MLLT10: variants seen among roughly 807,000 people sequenced by gnomAD.
MLLT10 encodes the protein protein AF-10.
A neutral mutation model predicts 129.1 loss-of-function variants in MLLT10; 30 were observed. That is an observed-to-expected ratio of 0.23 (90% CI 0.17 to 0.32). MLLT10 has a LOEUF of 0.32. MLLT10 is among the 10% of genes least tolerant of loss of function. The probability of loss-of-function intolerance (pLI) is 1.00; values close to 1 mark genes in which losing one functional copy is unlikely to be tolerated. For synonymous variants in MLLT10, 490 were observed against 446.4 expected (o/e 1.10, Z -1.23); for missense variants, 1,119 against 1,268.3 (o/e 0.88, Z 1.79).
chr10:21,680,500 C>T (rs2052627360), intron 11 of MLLT10, among the ~76,000 whole-genome samples: 1 of 152,012 alleles, frequency 6.6e-6, no homozygotes, highest in Admixed American at 6.6e-5. Context: ...CACACCCAGC[C>T]ATCTTTCTCA....
chr10:21,569,461 C>T (rs1352226583), intron 3 of MLLT10, among the ~76,000 whole-genome samples: 1 of 151,492 alleles, frequency 6.6e-6, no homozygotes, highest in Non-Finnish European at 1.5e-5. Flanking sequence ...CTCGCTCTCG[C>T]CCAGGCTGGA....
chr10:21,681,404 C>A (rs778535366), intron 12 of MLLT10, 28 bp downstream of exon 12: 1 of 1,547,780 alleles, frequency 6.5e-7, no homozygotes, highest in Admixed American at 1.7e-5. Context: ...GTTGATAACC[C>A]GGGCCTTTTG....
chr10:21,659,305 C>G (rs2049929738), intron 9 of MLLT10, among the ~76,000 whole-genome samples: 1 of 152,120 alleles, frequency 6.6e-6, no homozygotes, highest in Non-Finnish European at 1.5e-5. Context: ...CTAAAATAAA[C>G]TGGCTTCTTA....
intron 8 of MLLT10, among the ~76,000 whole-genome samples, chr10:21,648,927 GA>G (rs1478275938): frequency 6.6e-6 from 1 of 151,996 alleles, no homozygotes; most frequent in Non-Finnish European, 1.5e-5. Flanking sequence ...AACAGCACAG[GA>G]AAAACCCACC....
Position 21,614,942 on chromosome 10 carries a change from A to G in MLLT10, c.603+18A>G, listed in dbSNP as rs545745894. The G allele has an allele frequency of 6.4e-7, 1 of 1,554,592 alleles. No homozygotes were observed. The highest frequency in any genetic ancestry group is 8.8e-7 in the Non-Finnish European group (1 of 1,135,596). ...GTAAGCTGGTAAGAATTTCTCTTGGATTTAATGAAATGATTATGATTAGTT... is the reference window on the plus strand; with the variant it reads ...GTAAGCTGGTAAGAATTTCTCTTGGGTTTAATGAAATGATTATGATTAGTT... On this transcript the variant is annotated intron_variant, in intron 7 of 22. Coordinates refer to ENST00000307729, the MANE Select transcript of MLLT10 (RefSeq NM_001195626.3).
chr10:21,739,824 GT>G (rs2058683460), intron 21 of MLLT10, among the ~76,000 whole-genome samples: 1 of 152,114 alleles, frequency 6.6e-6, no homozygotes, highest in Non-Finnish European at 1.5e-5. Context: ...TGTGTGTCCT[GT>G]TTTGAAAATA....
chr10:21,582,998 A>G (rs187645705), intron 3 of MLLT10, among the ~76,000 whole-genome samples: 4 of 152,160 alleles, frequency 2.6e-5, no homozygotes, highest in Non-Finnish European at 4.4e-5. Flanking sequence ...ACGAAACCCT[A>G]TTTCTACTAA....
At chr10:21,545,060 G>T (rs1025151805) in intron 3 of MLLT10, among the ~76,000 whole-genome samples, 1 of 152,146 alleles carries the variant, frequency 6.6e-6, no homozygotes, top group Non-Finnish European at 1.5e-5. Context: ...CAGGAGAATT[G>T]CTTGAACCTG....
chr10:21,587,174 A>G (rs1793164388), intron 4 of MLLT10, among the ~76,000 whole-genome samples: 1 of 151,944 alleles, frequency 6.6e-6, no homozygotes, highest in African/African-American at 2.4e-5. Flanking sequence ...CCAAGGTAGG[A>G]GGCTCACTGG....
intron 13 of MLLT10, 79 bp downstream of exon 13, chr10:21,682,336 A>C (rs1208276696): frequency 7.5e-7 from 1 of 1,329,656 alleles, no homozygotes; most frequent in African/African-American, 1.5e-5. Context: ...ATTGAAAGCT[A>C]GCATGTTCTA....
chr10:21,533,934 C>T (rs992108402), upstream of MLLT10, among the ~76,000 whole-genome samples: 4 of 152,118 alleles, frequency 2.6e-5, no homozygotes, highest in African/African-American at 4.8e-5. Flanking sequence ...TCCACCTCCC[C>T]CGCCACCTCC....
At chr10:21,654,453 G>GT (rs1411278571) in intron 9 of MLLT10, among the ~76,000 whole-genome samples, 1 of 152,086 alleles carries the variant, frequency 6.6e-6, no homozygotes, top group African/African-American at 2.4e-5. Context: ...AAATCCAGAC[G>GT]TTTTTTGGTA....
At position 21,733,857 on chromosome 10, in the gene MLLT10, A is replaced by G. The variant is rs746548558; in HGVS notation, c.2586A>G (p.Ser862=). Reference sequence around the variant, plus strand: ...GGCAGAGTCCGGCTCAACAAGGCTCAGGAGTGAGTGGAGTTCAGCAGGTCA... The same window carrying G: ...GGCAGAGTCCGGCTCAACAAGGCTCGGGAGTGAGTGGAGTTCAGCAGGTCA... The part of the protein sequence containing the change: ...PAGQSPAQQG[S]GVSGVQQVNG... Residue 862 remains serine (S), a synonymous_variant, in exon 20 of 23, where the codon TCA becomes TCG. Coordinates refer to ENST00000307729, the MANE Select transcript of MLLT10 (RefSeq NM_001195626.3). 7 of 1,614,086 alleles carry G rather than the reference A, an allele frequency of 4.3e-6. No individual in the cohort carries two copies. Among genetic ancestry groups the G allele is most frequent in the African/African-American group, 1.3e-5 (1 of 74,924 alleles).
chr10:21,736,219 C>G (rs895500779), intron 21 of MLLT10, among the ~76,000 whole-genome samples: 3 of 151,988 alleles, frequency 2.0e-5, no homozygotes, highest in Non-Finnish European at 4.4e-5. Flanking sequence ...AGGGAGTGAT[C>G]CAGGCAGGAG....
At chr10:21,562,341 A>G (rs1474814220) in intron 3 of MLLT10, among the ~76,000 whole-genome samples, 1 of 147,106 alleles carries the variant, frequency 6.8e-6, no homozygotes, top group Non-Finnish European at 1.5e-5. Context: ...TTATTTATTT[A>G]TTTATTTTTT....
At chr10:21,723,865 A>C (rs996522008) in intron 14 of MLLT10, among the ~76,000 whole-genome samples, 1 of 152,230 alleles carries the variant, frequency 6.6e-6, no homozygotes, top group Non-Finnish European at 1.5e-5. Flanking sequence ...TTAGGATCTG[A>C]GACGTCAACA....
intron 9 of MLLT10, among the ~76,000 whole-genome samples, chr10:21,664,441 G>A (rs954081736): frequency 6.6e-6 from 1 of 151,610 alleles, no homozygotes; most frequent in Non-Finnish European, 1.5e-5. Flanking sequence ...AGCCTCCCAA[G>A]TAGCTGGGAC....
chr10:21,727,922 C>G lies in MLLT10; in HGVS notation c.2057C>G (p.Ser686Trp), dbSNP rs530253372. Residue 686 changes from serine (S) to tryptophan (W), a missense_variant, in exon 16 of 23, where the codon TCG becomes TGG. Coordinates refer to ENST00000307729, the MANE Select transcript of MLLT10 (RefSeq NM_001195626.3). ...GRGSSPRGSLSPRSPVSSLQI... is the reference protein window; with the variant it reads ...GRGSSPRGSLWPRSPVSSLQI... ...GGAAGCTCACCCCGAGGAAGTCTCTCGCCACGGTAAGCGCTATTTACACTG... is the reference window on the plus strand; with the variant it reads ...GGAAGCTCACCCCGAGGAAGTCTCTGGCCACGGTAAGCGCTATTTACACTG... 1 of 1,613,836 alleles carries G rather than the reference C, an allele frequency of 6.2e-7. No individual in the cohort carries two copies. The highest frequency in any genetic ancestry group is 8.5e-7 in the Non-Finnish European group (1 of 1,179,886).
chr10:21,689,588 T>TAG (rs2053638104), intron 13 of MLLT10, among the ~76,000 whole-genome samples: 2 of 130,432 alleles, frequency 1.5e-5, no homozygotes, highest in Non-Finnish European at 3.3e-5. Flanking sequence ...TATATATATA[T>TAG]AGCGTGTGTG....
Sources: gnomAD v4.1 joint callset for allele counts (sites outside exome capture counted in the v4.1 genomes callset) on GRCh38, gnomAD v4.1.1 for gene constraint, MANE v1.5 for transcripts, NCBI Gene and HGNC (gene_info 2026-07-23, HGNC 2026-07-21) for gene names.